TMEM255A: variants seen among roughly 807,000 people sequenced by gnomAD.
The protein encoded by TMEM255A is family with sequence similarity 70, member A.
A neutral mutation model predicts 23.5 loss-of-function variants in TMEM255A; 14 were observed. The observed-to-expected ratio is 0.60, with a 90% CI of 0.39 to 0.93. TMEM255A has a LOEUF of 0.93. TMEM255A is among the 40% of genes least tolerant of loss of function. The pLI is 0.00. For missense variants in TMEM255A, 233 were observed against 261.7 expected (o/e 0.89, Z 0.76); for synonymous variants, 104 against 100.3 (o/e 1.04, Z -0.22).
At chrX:120,298,111 A>G (rs1218044715) in intron 2 of TMEM255A, among the ~76,000 whole-genome samples, 1 of 111,556 alleles carries the variant, frequency 9.0e-6, no homozygotes, top group African/African-American at 3.3e-5. Context: ...GGAAAAAAAA[A>G]AAAGACAGAT....
At chrX:120,266,468 G>A (rs919913633) in intron 8 of TMEM255A, among the ~76,000 whole-genome samples, 1 of 111,178 alleles carries the variant, frequency 9.0e-6, no homozygotes, top group Non-Finnish European at 1.9e-5. Flanking sequence ...CCAAGTCACC[G>A]TTGGCATTCT....
At chrX:120,289,291 G>A (rs781984817) in intron 4 of TMEM255A, among the ~76,000 whole-genome samples, 2 of 111,989 alleles carry the variant, frequency 1.8e-5, no homozygotes, top group Non-Finnish European at 3.8e-5. Context: ...TGAGTCAAAT[G>A]CTGTACTGCA....
rs192308177 is a variant in TMEM255A at position 120,270,355 on chromosome X, G to A, written c.676-1968C>T. Among the ~76,000 whole-genome samples the A allele has an allele frequency of 3.7e-5, 4 of 108,551 alleles. 1 individual carries two copies. The Admixed American group carries it at 4.0e-4, about 11-fold the overall frequency. The allele number at this position is 108,551 out of a possible 115,157, so 94.3% of individuals were successfully genotyped here. A position where few individuals can be genotyped will look rare whatever the true frequency, so the allele number is the denominator to read the frequency against. On this transcript the variant is annotated intron_variant, in intron 7 of 8. Coordinates refer to ENST00000371369, the MANE Select transcript of TMEM255A (RefSeq NM_001104544.3). Reference sequence around the variant, plus strand: ...AATTCTGGGGCTTACGTTGTGAGACGCCCGCCCTGCCCCCCCATTATTGAT... The same window carrying A: ...AATTCTGGGGCTTACGTTGTGAGACACCCGCCCTGCCCCCCCATTATTGAT...
At position 120,307,367 on chromosome X, in the gene TMEM255A, T is replaced by C. The variant is rs2058071395; in HGVS notation, c.59-2876A>G. 2.7e-5 allele frequency among the ~76,000 whole-genome samples: 3 copies of C among 111,901 alleles called. 1 individual carries two copies. In the South Asian group the frequency reaches 1.1e-3, roughly 42 times the overall value. ...AGCCGTGTTCTTATTCTGGTACAAT[T>C]TGGGGCTTGCCTTAGATGTTTCTGT... On this transcript the variant is annotated intron_variant, in intron 1 of 8. Transcript: ENST00000371369.
chrX:120,273,274 T>C (rs975038641), intron 7 of TMEM255A: 2 of 267,206 alleles, frequency 7.5e-6, no homozygotes, highest in Non-Finnish European at 1.5e-5. Context: ...AACTCCACAA[T>C]TTAGAAGTTG....
intron 2 of TMEM255A, among the ~76,000 whole-genome samples, chrX:120,303,003 T>G (rs1241285440): frequency 1.8e-5 from 2 of 111,819 alleles, no homozygotes; most frequent in Non-Finnish European, 3.8e-5. Context: ...ATTTCTTAAC[T>G]GAATTGTCCT....
chrX:120,273,707 C>T (rs2057777320), intron 7 of TMEM255A, among the ~76,000 whole-genome samples: 1 of 112,104 alleles, frequency 8.9e-6, no homozygotes, highest in African/African-American at 3.2e-5. Context: ...CAAATCAAAA[C>T]CACAACAAGA....
chrX:120,282,312 T>C (rs1463132223), intron 6 of TMEM255A, among the ~76,000 whole-genome samples: 1 of 111,514 alleles, frequency 9.0e-6, no homozygotes, highest in Admixed American at 9.5e-5. Context: ...AGGAAGTCCT[T>C]TTCTAGTGGC....
chrX:120,258,716 A>G lies in TMEM255A; in HGVS notation c.*2154T>C, dbSNP rs2057654645. 1 of 112,649 alleles carries G rather than the reference A, an allele frequency of 8.9e-6. No homozygotes were observed. Among genetic ancestry groups the G allele is most frequent in the Admixed American group, 9.5e-5 (1 of 10,533 alleles). The allele number at this position is 112,649 out of a possible 1,213,427, so 9.3% of individuals were successfully genotyped here. Reference sequence around the variant, plus strand: ...AAGCAGTCTGAGTTTTCAACATGGCAGTGATACAGATTTTAAGCAACATCC... The same window carrying G: ...AAGCAGTCTGAGTTTTCAACATGGCGGTGATACAGATTTTAAGCAACATCC... On this transcript the variant is annotated 3_prime_UTR_variant, in exon 9 of 9. Coordinates refer to ENST00000371369, the MANE Select transcript of TMEM255A (RefSeq NM_001104544.3).
chrX:120,302,867 A>G (rs940812369), intron 2 of TMEM255A, among the ~76,000 whole-genome samples: 3 of 106,493 alleles, frequency 2.8e-5, no homozygotes, highest in African/African-American at 1.0e-4. Flanking sequence ...ATCATCTTTA[A>G]TCTCCCCTCT....
chrX:120,270,295 T>TTG lies in TMEM255A; in HGVS notation c.676-1910_676-1909dup, dbSNP rs372856986. 8.1e-3 allele frequency among the ~76,000 whole-genome samples: 866 copies of TTG among 107,381 alleles called. 4 individuals carry two copies. Among genetic ancestry groups the TTG allele is most frequent in the Middle Eastern group, 0.019 (4 of 208 alleles). 93.2% of individuals were successfully genotyped at this position (107,381 alleles called of 115,157 possible). On this transcript the variant is annotated intron_variant, in intron 7 of 8. Coordinates refer to ENST00000371369, the MANE Select transcript of TMEM255A (RefSeq NM_001104544.3). ...TGTGTGCACGTATAGGAGTGTGTGT[T>TTG]TGTGTGTGTGTGTGTGTATGTGTAT...
intron 2 of TMEM255A, among the ~76,000 whole-genome samples, chrX:120,297,962 C>T (rs992196108): frequency 3.6e-5 from 4 of 111,456 alleles, no homozygotes; most frequent in Non-Finnish European, 5.7e-5. Flanking sequence ...CCCCTGAGAC[C>T]TCAGAAAGGT....
intron 2 of TMEM255A, among the ~76,000 whole-genome samples, chrX:120,294,326 T>C (rs374888293): frequency 0.042 from 4,371 of 104,116 alleles, 136 homozygotes; most frequent in East Asian, 0.13. Context: ...CCCAGCTACT[T>C]GGGAGGCTGA....
intron 2 of TMEM255A, among the ~76,000 whole-genome samples, chrX:120,298,876 CTAGA>C (rs1486532258): frequency 6.4e-5 from 4 of 62,986 alleles, no homozygotes; most frequent in Non-Finnish European, 1.1e-4. Context: ...AACAGAGCAC[CTAGA>C]GAGAGAGAGA....
At chrX:120,258,499 T>C (rs2057652718), downstream of TMEM255A, 1 of 115,133 alleles carries the variant, frequency 8.7e-6, no homozygotes, top group Admixed American at 9.5e-5. Context: ...GTATTTCTGA[T>C]GACAGCACGG....
At chrX:120,262,280 A>C (rs1556016796) in intron 8 of TMEM255A, among the ~76,000 whole-genome samples, 1 of 111,240 alleles carries the variant, frequency 9.0e-6, no homozygotes, top group East Asian at 2.8e-4. Context: ...ACAGAGTGAG[A>C]CTCCGTCTCG....
chrX:120,273,427 C>A, intron 7 of TMEM255A: 1 of 248,682 alleles, frequency 4.0e-6, no homozygotes. Context: ...AAACTGATGC[C>A]TTAGAATCCA....
intron 8 of TMEM255A, 50 bp from the exon 9 acceptor site, chrX:120,261,078 C>T: frequency 8.6e-7 from 1 of 1,162,444 alleles, no homozygotes; most frequent in Non-Finnish European, 1.1e-6. Flanking sequence ...TTGCAATTCC[C>T]TGAACAGTCA....
chrX:120,252,721 A>G, the TMEM255A span: 1 of 112,033 alleles, frequency 8.9e-6, no homozygotes, highest in Non-Finnish European at 1.9e-5. Flanking sequence ...GGAAATTGTA[A>G]AGATGGAGAG....
Sources: allele counts gnomAD v4.1 joint callset (sites outside exome capture counted in the v4.1 genomes callset), GRCh38; gene constraint gnomAD v4.1.1; transcripts MANE v1.5; gene names NCBI Gene and HGNC (gene_info 2026-07-23, HGNC 2026-07-21).